GPC5: variants seen among roughly 807,000 people sequenced by gnomAD.
GPC5 encodes glypican-5.
In GPC5, 47 loss-of-function variants were observed where a neutral mutation model predicts 53.9. That is an observed-to-expected ratio of 0.87 (90% confidence interval 0.69 to 1.11). GPC5 has a LOEUF of 1.11. GPC5 is among the 50% of genes most tolerant of loss of function. The probability of loss-of-function intolerance (pLI) is 0.00; values close to 1 mark genes in which losing one functional copy is unlikely to be tolerated. For synonymous variants in GPC5, 286 were observed against 263.3 expected (o/e 1.09, Z -0.84); for missense variants, 748 against 713.1 (o/e 1.05, Z -0.56).
intron 2 of GPC5, among the ~76,000 whole-genome samples, chr13:91,678,366 G>A (rs1566602826): frequency 6.6e-6 from 1 of 152,142 alleles, no homozygotes; most frequent in Non-Finnish European, 1.5e-5. Context: ...GTATACTTTA[G>A]TATGCATTTG....
At chr13:92,784,279 T>C (rs918505469) in intron 7 of GPC5, among the ~76,000 whole-genome samples, 2 of 152,200 alleles carry the variant, frequency 1.3e-5, no homozygotes, top group African/African-American at 4.8e-5. Context: ...AACTCTATGA[T>C]AATTATAATT....
chr13:92,352,314 A>G (rs898469671), intron 7 of GPC5, among the ~76,000 whole-genome samples: 2 of 152,248 alleles, frequency 1.3e-5, no homozygotes, highest in African/African-American at 2.4e-5. Flanking sequence ...ATGAACATCT[A>G]TTAGACTCAA....
intron 5 of GPC5, among the ~76,000 whole-genome samples, chr13:91,766,561 T>G (rs80336578): frequency 0.036 from 5,514 of 152,258 alleles, 133 homozygotes; most frequent in Middle Eastern, 0.065. Flanking sequence ...TCACTTTTCT[T>G]AACTTTAAAA....
At chr13:91,623,477 A>G (rs1046512520) in intron 2 of GPC5, among the ~76,000 whole-genome samples, 3 of 152,086 alleles carry the variant, frequency 2.0e-5, no homozygotes, top group Non-Finnish European at 2.9e-5. Context: ...ATCACTCAGA[A>G]GCACAGCAGA....
intron 7 of GPC5, among the ~76,000 whole-genome samples, chr13:92,717,400 G>GTGT (rs1011279447): frequency 6.6e-6 from 1 of 151,984 alleles, no homozygotes; most frequent in African/African-American, 2.4e-5. Flanking sequence ...ACTTTTTGGG[G>GTGT]TGTTATATTT....
chr13:92,650,853 G>T (rs973801757), intron 7 of GPC5, among the ~76,000 whole-genome samples: 2 of 152,032 alleles, frequency 1.3e-5, no homozygotes, highest in African/African-American at 4.8e-5. Flanking sequence ...GAGGTTTGTT[G>T]CATAGGTATA....
At chr13:92,101,771 C>A (rs1483901750) in intron 6 of GPC5, among the ~76,000 whole-genome samples, 1 of 152,202 alleles carries the variant, frequency 6.6e-6, no homozygotes, top group Non-Finnish European at 1.5e-5. Context: ...TAACAGTTTT[C>A]CTTTTAAGAT....
At chr13:91,511,009 A>G (rs980559284) in intron 2 of GPC5, among the ~76,000 whole-genome samples, 1 of 152,058 alleles carries the variant, frequency 6.6e-6, no homozygotes, top group African/African-American at 2.4e-5. Flanking sequence ...AGGTTTTGCC[A>G]CCCTGAAATC....
chr13:92,169,522 C>A (rs2042054571), intron 7 of GPC5, among the ~76,000 whole-genome samples: 1 of 152,144 alleles, frequency 6.6e-6, no homozygotes, highest in Non-Finnish European at 1.5e-5. Context: ...CAAGACAAAT[C>A]ATTGAAATAG....
intron 6 of GPC5, among the ~76,000 whole-genome samples, chr13:91,978,632 A>T (rs1016769517): frequency 1.3e-5 from 2 of 152,230 alleles, no homozygotes; most frequent in Admixed American, 1.3e-4. Context: ...CTAAGTAGAG[A>T]CAGAGCCTTG....
intron 2 of GPC5, among the ~76,000 whole-genome samples, chr13:91,631,392 T>A (rs1243202697): frequency 6.6e-6 from 1 of 152,124 alleles, no homozygotes; most frequent in Non-Finnish European, 1.5e-5. Context: ...TAAAAATCAC[T>A]AGCCATTTGG....
chr13:91,462,343 A>G (rs1387731664), intron 2 of GPC5, among the ~76,000 whole-genome samples: 1 of 152,126 alleles, frequency 6.6e-6, no homozygotes, highest in Non-Finnish European at 1.5e-5. Context: ...GAGTTATTAG[A>G]TAGTATCATT....
chr13:91,401,043 G>A (rs188456101), intron 1 of GPC5, among the ~76,000 whole-genome samples: 139 of 152,244 alleles, frequency 9.1e-4, no homozygotes, highest in African/African-American at 3.2e-3. Flanking sequence ...GAGGAATCAC[G>A]GGAGCACTCA....
At chr13:91,691,668 C>A (rs1338670995) in intron 2 of GPC5, among the ~76,000 whole-genome samples, 1 of 152,112 alleles carries the variant, frequency 6.6e-6, no homozygotes, top group Non-Finnish European at 1.5e-5. Context: ...TGAATTAGAT[C>A]AGTATCAGAA....
chr13:92,712,203 T>A (rs12869083), intron 7 of GPC5, among the ~76,000 whole-genome samples: 1 of 152,094 alleles, frequency 6.6e-6, no homozygotes, highest in African/African-American at 2.4e-5. Flanking sequence ...TGGGACATTG[T>A]TACAGTGATT....
At chr13:91,824,683 A>C (rs1387223317) in intron 5 of GPC5, among the ~76,000 whole-genome samples, 1 of 151,730 alleles carries the variant, frequency 6.6e-6, no homozygotes, top group South Asian at 2.1e-4. Flanking sequence ...TACCTCCAAT[A>C]AATGTTTCTT....
At chr13:91,573,493 G>A (rs2032017700) in intron 2 of GPC5, among the ~76,000 whole-genome samples, 1 of 152,046 alleles carries the variant, frequency 6.6e-6, no homozygotes, top group South Asian at 2.1e-4. Flanking sequence ...TTTAGAGGTA[G>A]TCATTATTTT....
chr13:92,571,845 C>T (rs1883032885), intron 7 of GPC5, among the ~76,000 whole-genome samples: 1 of 152,028 alleles, frequency 6.6e-6, no homozygotes, highest in South Asian at 2.1e-4. Flanking sequence ...TCAAGACTAG[C>T]CTGGGCAACA....
intron 7 of GPC5, among the ~76,000 whole-genome samples, chr13:92,465,408 CATT>C (rs1878651615): frequency 6.6e-6 from 1 of 151,982 alleles, no homozygotes; most frequent in African/African-American, 2.4e-5. Context: ...GATATTTTAA[CATT>C]AGTTTTTGAG....
Sources: gnomAD v4.1 joint callset for allele counts (sites outside exome capture counted in the v4.1 genomes callset) on GRCh38, gnomAD v4.1.1 for gene constraint, MANE v1.5 for transcripts, NCBI Gene and HGNC (gene_info 2026-07-23, HGNC 2026-07-21) for gene names.